KIF26B: variants seen among roughly 807,000 people sequenced by gnomAD.
The protein encoded by KIF26B is kinesin family member 26B, also known as kinesin-like protein KIF26B.
In KIF26B, 63 loss-of-function variants were observed where a neutral mutation model predicts 151.2. The observed-to-expected ratio is 0.42, with a 90% CI of 0.34 to 0.51. The LOEUF is 0.51. KIF26B is among the 20% of genes least tolerant of loss of function. The pLI is 0.07. For synonymous variants in KIF26B, 1,357 were observed against 1,262.1 expected, an observed-to-expected ratio of 1.08 and a Z score of -1.59; for missense variants, 2,813 against 2,913.6, an observed-to-expected ratio of 0.97 and a Z score of 0.79.
chr1:245,337,485 C>G (rs1200538632), intron 2 of KIF26B, among the ~76,000 whole-genome samples: 2 of 151,382 alleles, frequency 1.3e-5, no homozygotes, highest in Admixed American at 1.3e-4. Context: ...CCTGGCCATT[C>G]ATTTAGCCTG....
At chr1:245,213,842 A>C (rs1669591746) in intron 2 of KIF26B, among the ~76,000 whole-genome samples, 1 of 152,200 alleles carries the variant, frequency 6.6e-6, no homozygotes, top group Non-Finnish European at 1.5e-5. Flanking sequence ...GCCTGGGGCT[A>C]CCTTGAGGTA....
intron 9 of KIF26B, among the ~76,000 whole-genome samples, chr1:245,616,638 A>G (rs115154005): frequency 0.016 from 2,495 of 152,328 alleles, 87 homozygotes; most frequent in African/African-American, 0.056. Flanking sequence ...TGCATGAAAC[A>G]AAGTTTTTAC....
rs2043458242 is a variant in KIF26B, at chr1:245,606,696, C to T, written c.1558-955C>T. On this transcript the variant is annotated intron_variant, in intron 6 of 14. Transcript: ENST00000407071. This position sits in a 1 kb window ranked among gnomAD's most constrained non-coding sequence, Gnocchi z 4.6. ...CACCCGGCCAAAGAACACCTAATAA[C>T]ATACCATGTGGTGACTGATACTCTA... Among the ~76,000 whole-genome samples, 1 of 152,182 alleles carries T rather than the reference C, an allele frequency of 6.6e-6. No individual in the cohort carries two copies. The highest frequency in any genetic ancestry group is 6.6e-5 in the Admixed American group (1 of 15,264).
chr1:245,604,033 G>A (rs1330342265), intron 6 of KIF26B, among the ~76,000 whole-genome samples: 1 of 152,156 alleles, frequency 6.6e-6, no homozygotes, highest in African/African-American at 2.4e-5. Context: ...GAGCTTTGGT[G>A]AAGATGGGCC....
chr1:245,573,383 C>T (rs903325744), intron 5 of KIF26B, among the ~76,000 whole-genome samples: 10 of 151,962 alleles, frequency 6.6e-5, no homozygotes, highest in African/African-American at 2.2e-4. Context: ...ATTAGCCGGG[C>T]GTGGTGGTGG....
intron 10 of KIF26B, among the ~76,000 whole-genome samples, chr1:245,656,161 G>A (rs1313932791): frequency 6.6e-6 from 1 of 152,186 alleles, no homozygotes; most frequent in Non-Finnish European, 1.5e-5. Context: ...AGTGTAGCAG[G>A]AATACAGACA....
At position 245,156,963 on chromosome 1, in the gene KIF26B, G is replaced by A. The variant is rs569412593; in HGVS notation, c.465+280G>A. ...GGCCCACGGGGGAGGCCCCCAGGTG[G>A]TCTCTCCTGCCGCCCCCTCCCAGCT... On this transcript the variant is annotated intron_variant, in intron 2 of 14. Transcript: ENST00000407071. Among the ~76,000 whole-genome samples, 7 of 152,316 alleles carry A rather than the reference G, an allele frequency of 4.6e-5. No homozygotes were observed. In the East Asian group the frequency reaches 9.7e-4, roughly 21 times the overall value.
chr1:245,568,405 G>T (rs1472447352), intron 5 of KIF26B, among the ~76,000 whole-genome samples: 1 of 151,574 alleles, frequency 6.6e-6, no homozygotes, highest in Admixed American at 6.6e-5. Context: ...GTCCTGGTGG[G>T]TGGCCAAGTC....
At chr1:245,492,156 C>T (rs1385161988) in intron 4 of KIF26B, among the ~76,000 whole-genome samples, 1 of 152,202 alleles carries the variant, frequency 6.6e-6, no homozygotes, top group Non-Finnish European at 1.5e-5. Flanking sequence ...CTGTTGTACT[C>T]TCTGCATCTT....
At chr1:245,469,499 A>G (rs1093921) in intron 4 of KIF26B, among the ~76,000 whole-genome samples, 123,137 of 152,118 alleles carry the variant, frequency 0.81, 50,068 homozygotes, top group African/African-American at 0.88. Context: ...TATTATTAAT[A>G]TTTAATATGT....
rs77351374 is a variant in KIF26B, at chr1:245,490,557, C to T, written c.1167-50210C>T. Reference sequence around the variant, plus strand: ...CGATCTCCTGACCTCGTGATCCACCCACCTCAGCCACCCAAAGTGCTGGAA... The same window carrying T: ...CGATCTCCTGACCTCGTGATCCACCTACCTCAGCCACCCAAAGTGCTGGAA... On this transcript the variant is annotated intron_variant, in intron 4 of 14. Coordinates refer to ENST00000407071, the MANE Select transcript of KIF26B (RefSeq NM_018012.4). Among the ~76,000 whole-genome samples the T allele has an allele frequency of 1.0e-2, 1,515 of 152,196 alleles. 28 individuals carry two copies. Among genetic ancestry groups the T allele is most frequent in the East Asian group, 0.046 (239 of 5,162 alleles).
intron 2 of KIF26B, among the ~76,000 whole-genome samples, chr1:245,274,825 T>C (rs1244387471): frequency 6.6e-6 from 1 of 152,138 alleles, no homozygotes; most frequent in African/African-American, 2.4e-5. Context: ...TTTATGATCC[T>C]TTGGGTATAT....
chr1:245,383,338 C>T (rs145864479), intron 3 of KIF26B, among the ~76,000 whole-genome samples: 67 of 152,272 alleles, frequency 4.4e-4, no homozygotes, highest in African/African-American at 1.4e-3. Context: ...CGTCTGAACA[C>T]GGTATCCGTG....
chr1:245,264,796 C>T (rs35347387), intron 2 of KIF26B, among the ~76,000 whole-genome samples: 20,631 of 149,918 alleles, frequency 0.14, 1,578 homozygotes, highest in Middle Eastern at 0.19. Flanking sequence ...TAGAGGCTGA[C>T]GTAGGAGAAT....
intron 4 of KIF26B, among the ~76,000 whole-genome samples, chr1:245,464,534 T>G (rs1659728370): frequency 6.8e-6 from 1 of 147,346 alleles, no homozygotes. Flanking sequence ...GCACCATGTG[T>G]GTGGGTGTGC....
chr1:245,558,148 G>T (rs973488258), intron 5 of KIF26B, among the ~76,000 whole-genome samples: 6 of 152,136 alleles, frequency 3.9e-5, no homozygotes. Flanking sequence ...ACTGAGCTTG[G>T]AGAAGCCCAC....
chr1:245,187,106 T>C (rs1269879462), intron 2 of KIF26B, among the ~76,000 whole-genome samples: 1 of 152,180 alleles, frequency 6.6e-6, no homozygotes, highest in Admixed American at 6.5e-5. Flanking sequence ...CTGTCCGCCT[T>C]GGACTCCCAA....
intron 4 of KIF26B, among the ~76,000 whole-genome samples, chr1:245,468,115 C>G (rs774949989): frequency 6.6e-6 from 1 of 152,160 alleles, no homozygotes; most frequent in Non-Finnish European, 1.5e-5. Flanking sequence ...CTTTAAATTT[C>G]TTTCTAATGA....
chr1:245,685,376 C>T lies in KIF26B; in HGVS notation c.2422-29C>T, dbSNP rs753264022. The T allele has an allele frequency of 2.6e-6, 4 of 1,559,358 alleles. No individual in the cohort carries two copies. The African/African-American group carries it at 4.1e-5, about 16-fold the overall frequency. On this transcript the variant is annotated intron_variant, in intron 11 of 14. Coordinates refer to ENST00000407071, the MANE Select transcript of KIF26B (RefSeq NM_018012.4). The stretch of plus-strand genomic sequence containing the variant: ...CCCGGGGAAACTGCCACGGAAAGGC[C>T]ACCACATTAACTGCCGTCTCACTCA...
Sources: allele counts gnomAD v4.1 joint callset (sites outside exome capture counted in the v4.1 genomes callset), GRCh38; gene constraint gnomAD v4.1.1; non-coding constraint Gnocchi (gnomAD v3.1); transcripts MANE v1.5; gene names NCBI Gene and HGNC (gene_info 2026-07-23, HGNC 2026-07-21).